Variants in CNTNAP5 observed in about 807,000 individuals in gnomAD.
CNTNAP5 encodes the protein contactin-associated protein-like 5.
CNTNAP5 carries 72 observed loss-of-function variants against 150.2 expected under a neutral mutation model. The observed-to-expected ratio is 0.48, with a 90% confidence interval of 0.40 to 0.58. The LOEUF is 0.58. Among genes scored for constraint, CNTNAP5 ranks in the 20% least tolerant of loss-of-function variants. The probability of loss-of-function intolerance (pLI) is 0.00; values close to 1 mark genes in which losing one functional copy is unlikely to be tolerated. For missense variants in CNTNAP5, 1,636 were observed against 1,626.2 expected (o/e 1.01, Z -0.10); for synonymous variants, 672 against 619.8 (o/e 1.08, Z -1.25).
intron 21 of CNTNAP5, among the ~76,000 whole-genome samples, chr2:124,887,772 C>A (rs1376766090): frequency 6.6e-6 from 1 of 152,008 alleles, no homozygotes; most frequent in Admixed American, 6.6e-5. Context: ...GCATGGGAGA[C>A]CCCGTGTACA....
intron 10 of CNTNAP5, among the ~76,000 whole-genome samples, chr2:124,558,589 C>T (rs533332700): frequency 3.9e-5 from 6 of 152,264 alleles, no homozygotes; most frequent in Non-Finnish European, 8.8e-5. Context: ...CTTATTTTTG[C>T]TTTAAAAGAA....
intron 3 of CNTNAP5, among the ~76,000 whole-genome samples, chr2:124,349,209 T>C (rs1689811367): frequency 2.0e-5 from 3 of 152,168 alleles, no homozygotes; most frequent in Non-Finnish European, 2.9e-5. Flanking sequence ...CACAGCCTAC[T>C]ACACGCCTAG....
intron 1 of CNTNAP5, among the ~76,000 whole-genome samples, chr2:124,096,829 G>A (rs1429277258): frequency 2.0e-5 from 3 of 151,660 alleles, no homozygotes; most frequent in East Asian, 1.9e-4. Context: ...TCAACCTCCC[G>A]AGTAGCTGGG....
At chr2:124,280,298 G>A (rs572301138) in intron 3 of CNTNAP5, among the ~76,000 whole-genome samples, 1 of 152,124 alleles carries the variant, frequency 6.6e-6, no homozygotes, top group Admixed American at 6.6e-5. Context: ...CTCCTGAGTA[G>A]CTGAGATTAC....
chr2:124,443,803 A>C (rs1469255161), intron 5 of CNTNAP5, among the ~76,000 whole-genome samples: 1 of 136,142 alleles, frequency 7.3e-6, no homozygotes, highest in Non-Finnish European at 1.6e-5. Context: ...GAAAGGGTGT[A>C]ATTCCTTGCC....
intron 13 of CNTNAP5, among the ~76,000 whole-genome samples, chr2:124,707,194 A>AGAAGAAGAAGAAGAAGAAGAG (rs1558743932): frequency 2.0e-5 from 3 of 146,640 alleles, no homozygotes; most frequent in Admixed American, 6.8e-5. Flanking sequence ...AAGAAGAAGA[A>AGAAGAAGAAGAAGAAGAAGAG]GAAGAAGAAG....
intron 12 of CNTNAP5, among the ~76,000 whole-genome samples, chr2:124,610,204 C>T (rs1222640881): frequency 1.3e-5 from 2 of 152,132 alleles, no homozygotes; most frequent in Non-Finnish European, 2.9e-5. Flanking sequence ...ATTTTCTCTC[C>T]TGAAACTCAA....
intron 1 of CNTNAP5, among the ~76,000 whole-genome samples, chr2:124,040,290 A>T (rs1470362371): frequency 6.6e-6 from 1 of 152,146 alleles, no homozygotes; most frequent in Non-Finnish European, 1.5e-5. Flanking sequence ...CAATCAGGAG[A>T]TCGTGATATT....
chr2:124,377,027 T>C (rs1486566477), intron 3 of CNTNAP5, among the ~76,000 whole-genome samples: 2 of 152,064 alleles, frequency 1.3e-5, no homozygotes, highest in Admixed American at 1.3e-4. Context: ...TTAGATTTCG[T>C]GGTATTAAAA....
chr2:124,739,717 T>G (rs1256438402), intron 13 of CNTNAP5, among the ~76,000 whole-genome samples: 5 of 152,180 alleles, frequency 3.3e-5, no homozygotes, highest in Non-Finnish European at 5.9e-5. Context: ...ACAAATTCTT[T>G]CTCCACGGCA....
At chr2:124,219,112 A>G (rs1428359472) in intron 1 of CNTNAP5, among the ~76,000 whole-genome samples, 1 of 152,178 alleles carries the variant, frequency 6.6e-6, no homozygotes, top group Admixed American at 6.6e-5. Context: ...GAAGAGAAAA[A>G]TAAATTCCAG....
rs369358493 is a variant in CNTNAP5, at chr2:124,908,020, T to A, written c.3656-3447T>A. On this transcript the variant is annotated intron_variant, in intron 22 of 23. Transcript: ENST00000682447. ...CCAAGGTTATTATTTTGGTTAATAA[T>A]GTTAAAAGTAGTACATAGACTCAAT... Among the ~76,000 whole-genome samples the A allele has an allele frequency of 3.9e-5, 6 of 151,928 alleles. No individual in the cohort carries two copies. In the East Asian group the frequency reaches 1.2e-3, roughly 29 times the overall value.
At chr2:124,900,669 C>T (rs529040738) in intron 21 of CNTNAP5, among the ~76,000 whole-genome samples, 4 of 151,704 alleles carry the variant, frequency 2.6e-5, no homozygotes, top group South Asian at 2.1e-4. Flanking sequence ...GACCTGGACA[C>T]TATGTAGGCT....
chr2:124,706,862 G>A (rs377460651), intron 13 of CNTNAP5, among the ~76,000 whole-genome samples: 3 of 16,038 alleles, frequency 1.9e-4, no homozygotes, highest in Admixed American at 8.7e-4. Context: ...GGAGGAGAAG[G>A]AGAAGGGGAA....
intron 2 of CNTNAP5, among the ~76,000 whole-genome samples, chr2:124,230,810 G>A (rs1359007750): frequency 6.6e-6 from 1 of 152,094 alleles, no homozygotes; most frequent in Non-Finnish European, 1.5e-5. Context: ...GATATTACAG[G>A]CGTGAGCCAC....
At chr2:124,259,881 G>A (rs1318700495) in intron 3 of CNTNAP5, among the ~76,000 whole-genome samples, 4 of 152,144 alleles carry the variant, frequency 2.6e-5, no homozygotes. Context: ...ACAAACAAAT[G>A]GAAGCACATT....
At chr2:124,904,379 CAGAG>C (rs1181441621) in intron 22 of CNTNAP5, among the ~76,000 whole-genome samples, 1 of 151,948 alleles carries the variant, frequency 6.6e-6, no homozygotes, top group Non-Finnish European at 1.5e-5. Flanking sequence ...TAAGCATTAA[CAGAG>C]AGTTTGTTTC....
At chr2:124,424,502 G>A (rs1308913119) in intron 4 of CNTNAP5, among the ~76,000 whole-genome samples, 1 of 152,162 alleles carries the variant, frequency 6.6e-6, no homozygotes, top group Admixed American at 6.5e-5. Flanking sequence ...CCCCTCATTA[G>A]ATTTGAGAAT....
At chr2:124,807,966 T>C (rs1682116365) in intron 19 of CNTNAP5, among the ~76,000 whole-genome samples, 1 of 152,186 alleles carries the variant, frequency 6.6e-6, no homozygotes, top group Non-Finnish European at 1.5e-5. Context: ...CAATTTGTAC[T>C]TTGATGCACA....
Sources: allele counts gnomAD v4.1 joint callset (sites outside exome capture counted in the v4.1 genomes callset), GRCh38; gene constraint gnomAD v4.1.1; transcripts MANE v1.5; gene names NCBI Gene and HGNC (gene_info 2026-07-23, HGNC 2026-07-21).